The following DLG2 variants were observed in gnomAD, a reference collection of about 807,000 sequenced individuals.
DLG2 encodes discs large MAGUK scaffold protein 2.
In DLG2, 45 loss-of-function variants were observed where a neutral mutation model predicts 132.5. The observed-to-expected ratio is 0.34, with a 90% CI of 0.27 to 0.44. DLG2 has a LOEUF of 0.44. DLG2 is among the 20% of genes least tolerant of loss of function. The pLI, the probability that DLG2 is intolerant of heterozygous loss-of-function variation, is 1.00. For synonymous variants in DLG2, 424 were observed against 419.6 expected (o/e 1.01, Z -0.13); for missense variants, 1,045 against 1,196.9 (o/e 0.87, Z 1.87).
At chr11:83,936,446 C>T (rs1248600057) in intron 14 of DLG2, among the ~76,000 whole-genome samples, 2 of 152,198 alleles carry the variant, frequency 1.3e-5, no homozygotes, top group African/African-American at 2.4e-5. Context: ...TGGTTCACAG[C>T]TGTGGTATCA....
At chr11:84,737,156 T>A (rs1321565221) in intron 6 of DLG2, among the ~76,000 whole-genome samples, 3 of 151,954 alleles carry the variant, frequency 2.0e-5, no homozygotes, top group Non-Finnish European at 4.4e-5. Flanking sequence ...ATTAATATGG[T>A]GATTTTTGAA....
intron 15 of DLG2, among the ~76,000 whole-genome samples, chr11:83,923,082 C>G (rs933743254): frequency 6.6e-6 from 1 of 152,020 alleles, no homozygotes; most frequent in African/African-American, 2.4e-5. Context: ...AGAAGGATGG[C>G]TGCTAAGAAT....
At chr11:85,539,828 T>C (rs2075844223) in intron 3 of DLG2, among the ~76,000 whole-genome samples, 1 of 152,108 alleles carries the variant, frequency 6.6e-6, no homozygotes, top group Non-Finnish European at 1.5e-5. Context: ...TTGAAGCTGA[T>C]GAAGGAAAAT....
At chr11:85,152,858 G>A (rs953276325) in intron 5 of DLG2, among the ~76,000 whole-genome samples, 4 of 152,088 alleles carry the variant, frequency 2.6e-5, no homozygotes, top group African/African-American at 7.2e-5. Context: ...ACCCATTGTG[G>A]TACTTGCATG....
intron 8 of DLG2, among the ~76,000 whole-genome samples, chr11:84,176,072 C>A (rs2095955867): frequency 6.6e-6 from 1 of 151,734 alleles, no homozygotes. Context: ...TTATAACAAT[C>A]GTATATATAG....
At chr11:83,993,251 A>G (rs2093823712) in intron 11 of DLG2, among the ~76,000 whole-genome samples, 1 of 152,178 alleles carries the variant, frequency 6.6e-6, no homozygotes, top group African/African-American at 2.4e-5. Flanking sequence ...ATATTTGCAG[A>G]AATAATTAAT....
chr11:83,949,143 T>C (rs1343729961), intron 14 of DLG2, among the ~76,000 whole-genome samples: 1 of 152,156 alleles, frequency 6.6e-6, no homozygotes, highest in African/African-American at 2.4e-5. Context: ...CAAGAGAGTA[T>C]GAAACATTCT....
In DLG2 at chr11:85,215,462, C is replaced by A. The variant is rs933767779; in HGVS notation, c.187-60811G>T. 9.9e-5 allele frequency among the ~76,000 whole-genome samples: 15 copies of A among 152,186 alleles called. No individual in the cohort carries two copies. The East Asian group carries it at 2.7e-3, about 27-fold the overall frequency. ...GCCACCTCAAAATATTCCACTTTGACCTAAGGATTATTTTGAGCTGAAAGC... is the reference window on the plus strand; with the variant it reads ...GCCACCTCAAAATATTCCACTTTGAACTAAGGATTATTTTGAGCTGAAAGC... On this transcript the variant is annotated intron_variant, in intron 4 of 27. Transcript: ENST00000376104.
At chr11:84,625,363 C>T (rs975617970) in intron 6 of DLG2, among the ~76,000 whole-genome samples, 1 of 152,164 alleles carries the variant, frequency 6.6e-6, no homozygotes, top group African/African-American at 2.4e-5. Flanking sequence ...CAAGTGGCCG[C>T]TCCATTTCTC....
chr11:84,423,649 T>C (rs1601862683), intron 7 of DLG2, among the ~76,000 whole-genome samples: 1 of 152,180 alleles, frequency 6.6e-6, no homozygotes, highest in Non-Finnish European at 1.5e-5. Context: ...CTTCTCAGCA[T>C]ACTGTGAGGT....
chr11:84,075,162 A>C (rs933761242), intron 10 of DLG2, among the ~76,000 whole-genome samples: 3 of 152,190 alleles, frequency 2.0e-5, no homozygotes, highest in African/African-American at 7.2e-5. Flanking sequence ...ACCTCCTCAG[A>C]AAGGCCTAAC....
intron 11 of DLG2, among the ~76,000 whole-genome samples, chr11:83,999,451 T>C (rs1041711385): frequency 6.6e-6 from 1 of 152,072 alleles, no homozygotes; most frequent in East Asian, 1.9e-4. Flanking sequence ...ATCACTGCCA[T>C]TGTCCATGCC....
chr11:85,276,370 G>C (rs2077892258), intron 4 of DLG2, among the ~76,000 whole-genome samples: 1 of 152,052 alleles, frequency 6.6e-6, no homozygotes, highest in African/African-American at 2.4e-5. Context: ...ATTAAAATGG[G>C]CAAGCAATCA....
intron 9 of DLG2, among the ~76,000 whole-genome samples, chr11:84,150,492 G>C (rs965995187): frequency 6.6e-6 from 1 of 152,148 alleles, no homozygotes; most frequent in Non-Finnish European, 1.5e-5. Context: ...GGTTTTGCTA[G>C]ATAGAGAAAC....
At chr11:83,953,451 C>T (rs1034926517) in intron 14 of DLG2, among the ~76,000 whole-genome samples, 3 of 152,154 alleles carry the variant, frequency 2.0e-5, no homozygotes, top group Admixed American at 1.3e-4. Context: ...AATTGAATGA[C>T]TGATGATCTG....
At chr11:84,337,925 A>G (rs1308356359) in intron 7 of DLG2, among the ~76,000 whole-genome samples, 2 of 152,224 alleles carry the variant, frequency 1.3e-5, no homozygotes, top group African/African-American at 4.8e-5. Flanking sequence ...TGGCAATTTA[A>G]CAAAACCAAT....
intron 8 of DLG2, among the ~76,000 whole-genome samples, chr11:84,191,787 G>A (rs1380730519): frequency 6.6e-6 from 1 of 152,136 alleles, no homozygotes; most frequent in Non-Finnish European, 1.5e-5. Context: ...CACAAAGTGG[G>A]TAGAGAAAGT....
intron 6 of DLG2, among the ~76,000 whole-genome samples, chr11:84,909,286 A>C (rs1317700150): frequency 1.3e-5 from 2 of 152,180 alleles, no homozygotes; most frequent in Non-Finnish European, 2.9e-5. Flanking sequence ...ATCTTTAAAC[A>C]GAGGGGTAAT....
Position 84,502,250 on chromosome 11 carries a change from C to T in DLG2, c.519+32320G>A, listed in dbSNP as rs1468954076. Among the ~76,000 whole-genome samples the T allele has an allele frequency of 4.9e-5, 2 of 40,556 alleles. 1 individual carries two copies. The highest frequency in any genetic ancestry group is 7.7e-4 in the African/African-American group (2 of 2,594). The allele number at this position is 40,556 out of a possible 152,430, so 26.6% of individuals were successfully genotyped here. A position where few individuals can be genotyped will look rare whatever the true frequency, so the allele number is the denominator to read the frequency against. On this transcript the variant is annotated intron_variant, in intron 7 of 27. Coordinates refer to ENST00000376104, the MANE Select transcript of DLG2 (RefSeq NM_001142699.3). ...TCCTTCCTTCCTTCCTTCCTTCCTT[C>T]CTTCCTTCCTTCCTTCCTTCCTTCC...
Sources: gnomAD v4.1 joint callset for allele counts (sites outside exome capture counted in the v4.1 genomes callset) on GRCh38, gnomAD v4.1.1 for gene constraint, MANE v1.5 for transcripts, NCBI Gene and HGNC (gene_info 2026-07-23, HGNC 2026-07-21) for gene names.